Variants in CNTN1 observed in about 807,000 individuals in gnomAD.
The protein encoded by CNTN1 is contactin 1.
CNTN1 carries 38 observed loss-of-function variants against 126.4 expected under a neutral mutation model. That is an observed-to-expected ratio of 0.30 (90% confidence interval 0.23 to 0.39). The LOEUF is 0.39. CNTN1 is among the 10% of genes least tolerant of loss of function. The pLI, the probability that CNTN1 is intolerant of heterozygous loss-of-function variation, is 1.00. For missense variants in CNTN1, 1,009 were observed against 1,248.4 expected (o/e 0.81, Z 2.89); for synonymous variants, 413 against 422.6 (o/e 0.98, Z 0.28).
At chr12:41,005,296 T>A (rs1948462544) in intron 17 of CNTN1, among the ~76,000 whole-genome samples, 1 of 152,222 alleles carries the variant, frequency 6.6e-6, no homozygotes, top group Non-Finnish European at 1.5e-5. Flanking sequence ...TGCTGAAAGG[T>A]CCATTTTTAG....
At chr12:40,768,715 A>G (rs1367075375) in intron 1 of CNTN1, among the ~76,000 whole-genome samples, 5 of 149,660 alleles carry the variant, frequency 3.3e-5, no homozygotes, top group African/African-American at 7.7e-5. Flanking sequence ...TTGGCCTCTC[A>G]TTTTTACAAC....
chr12:40,990,060 A>G (rs911133801), intron 16 of CNTN1, among the ~76,000 whole-genome samples: 1 of 152,106 alleles, frequency 6.6e-6, no homozygotes, highest in Non-Finnish European at 1.5e-5. Context: ...TCTTTTAAAA[A>G]TGATAGACGT....
intron 3 of CNTN1, among the ~76,000 whole-genome samples, chr12:40,915,572 G>T (rs189463784): frequency 8.5e-5 from 13 of 152,190 alleles, no homozygotes; most frequent in Non-Finnish European, 1.6e-4. Context: ...AAATGAGACT[G>T]ATATTTAGTT....
rs777096777 is a variant in CNTN1 at position 40,918,630 on chromosome 12, T to G, written c.95-9T>G. On this transcript the variant is annotated splice_polypyrimidine_tract_variant and intron_variant, in intron 3 of 23. Coordinates refer to ENST00000551295, the MANE Select transcript of CNTN1 (RefSeq NM_001843.4). ...AGTACAATGTAAAACAATTTCATAT[T>G]TCTTGTAGTTTCTGAGGAAGACAAA... The G allele has an allele frequency of 2.5e-6, 4 of 1,612,238 alleles. No homozygotes were observed. In the East Asian group the frequency reaches 8.9e-5, roughly 36 times the overall value.
chr12:40,867,151 G>A (rs923095246), intron 1 of CNTN1, among the ~76,000 whole-genome samples: 1 of 152,116 alleles, frequency 6.6e-6, no homozygotes, highest in African/African-American at 2.4e-5. Context: ...TGTTGTCCAA[G>A]GAGTTCAATC....
chr12:40,784,439 G>A (rs1192397095), intron 1 of CNTN1, among the ~76,000 whole-genome samples: 2 of 152,136 alleles, frequency 1.3e-5, no homozygotes, highest in African/African-American at 2.4e-5. Flanking sequence ...AAGATAAATT[G>A]AGATAGTTTT....
At position 40,802,503 on chromosome 12, in the gene CNTN1, C is replaced by A. The variant is rs988674792; in HGVS notation, c.-76-105854C>A. ...AGTCCATCTCTAAAGAACTAAGAGT[C>A]CTGGGAATTTAATCGTGCCAGTGCA... On this transcript the variant is annotated intron_variant, in intron 1 of 23. Coordinates refer to ENST00000551295, the MANE Select transcript of CNTN1 (RefSeq NM_001843.4). 9.2e-5 allele frequency among the ~76,000 whole-genome samples: 14 copies of A among 152,042 alleles called. No homozygotes were observed. In the East Asian group the frequency reaches 2.3e-3, roughly 25 times the overall value.
chr12:40,900,873 A>G (rs943750791), intron 1 of CNTN1, among the ~76,000 whole-genome samples: 2 of 152,226 alleles, frequency 1.3e-5, no homozygotes, highest in Non-Finnish European at 2.9e-5. Flanking sequence ...CATGGTAGAT[A>G]GGTTTCAGTA....
intron 23 of CNTN1, among the ~76,000 whole-genome samples, chr12:41,053,428 A>T (rs867405369): frequency 6.4e-4 from 41 of 64,096 alleles, no homozygotes; most frequent in African/African-American, 2.6e-3. Context: ...GTTTTCACTA[A>T]ATATATATAT....
At chr12:40,844,904 C>A (rs1820877805) in intron 1 of CNTN1, among the ~76,000 whole-genome samples, 1 of 151,902 alleles carries the variant, frequency 6.6e-6, no homozygotes, top group Admixed American at 6.6e-5. Flanking sequence ...ATTGTTTTTG[C>A]TTTGCTAAGT....
intron 1 of CNTN1, among the ~76,000 whole-genome samples, chr12:40,702,973 A>G (rs893761408): frequency 6.6e-6 from 1 of 152,056 alleles, no homozygotes; most frequent in African/African-American, 2.4e-5. Context: ...TCCTGGGAAT[A>G]TTTTTCTAAG....
chr12:40,700,249 C>T (rs1176543883), intron 1 of CNTN1, among the ~76,000 whole-genome samples: 1 of 151,774 alleles, frequency 6.6e-6, no homozygotes, highest in African/African-American at 2.4e-5. Context: ...TTTTTTCAGC[C>T]AGGCATGGTG....
At chr12:40,707,036 GCGCGCTTGCGCACACACACACACA>G (rs1565625615) in intron 1 of CNTN1, among the ~76,000 whole-genome samples, 2 of 109,664 alleles carry the variant, frequency 1.8e-5, no homozygotes, top group African/African-American at 3.6e-5. Flanking sequence ...ACGTGCGCGC[GCGCGCTTGCGCACACACACACACA>G]CACACACACA....
intron 1 of CNTN1, among the ~76,000 whole-genome samples, chr12:40,749,166 G>C (rs1226063120): frequency 6.6e-6 from 1 of 152,056 alleles, no homozygotes; most frequent in Admixed American, 6.6e-5. Context: ...GAATCATTGA[G>C]AGACTGAGCT....
chr12:40,755,224 A>AGG (rs1938560443), intron 1 of CNTN1, among the ~76,000 whole-genome samples: 1 of 124,184 alleles, frequency 8.1e-6, no homozygotes, highest in African/African-American at 3.1e-5. Flanking sequence ...AAAAAAAAAA[A>AGG]AAGAAGAAAA....
chr12:40,989,714 G>T (rs114706111), intron 16 of CNTN1, among the ~76,000 whole-genome samples: 2,613 of 152,152 alleles, frequency 0.017, 66 homozygotes, highest in African/African-American at 0.056. Flanking sequence ...ACTTCTATTT[G>T]TAAAACATCA....
intron 18 of CNTN1, 148 bp downstream of exon 18, chr12:41,014,446 A>G: frequency 2.5e-6 from 2 of 789,898 alleles, no homozygotes; most frequent in Non-Finnish European, 4.2e-6. Context: ...TTAAATGCAA[A>G]TCAGATTTTA....
intron 1 of CNTN1, among the ~76,000 whole-genome samples, chr12:40,775,478 C>A (rs146034601): frequency 1.3e-3 from 198 of 151,356 alleles, no homozygotes; most frequent in African/African-American, 4.5e-3. Context: ...ATAAATGTCT[C>A]TTTGATTACA....
At chr12:40,821,788 A>G (rs1467175736) in intron 1 of CNTN1, among the ~76,000 whole-genome samples, 1 of 152,082 alleles carries the variant, frequency 6.6e-6, no homozygotes, top group Non-Finnish European at 1.5e-5. Context: ...AGATGCTTCA[A>G]ATAGAATTGG....
Sources: allele counts gnomAD v4.1 joint callset (sites outside exome capture counted in the v4.1 genomes callset), GRCh38; gene constraint gnomAD v4.1.1; transcripts MANE v1.5; gene names NCBI Gene and HGNC (gene_info 2026-07-23, HGNC 2026-07-21).